The following USP37 variants were observed in gnomAD, a reference collection of about 807,000 sequenced individuals.
USP37 encodes ubiquitin carboxyl-terminal hydrolase 37.
A neutral mutation model predicts 124.0 loss-of-function variants in USP37; 27 were observed. The observed-to-expected ratio is 0.22, with a 90% CI of 0.16 to 0.30. USP37 has a LOEUF of 0.30. Ranked by LOEUF, USP37 falls within the 10% of genes least tolerant of loss-of-function variation. USP37 has a pLI of 1.00. For missense variants in USP37, 889 were observed against 1,140.4 expected, an observed-to-expected ratio of 0.78 and a Z score of 3.17; for synonymous variants, 365 against 388.0, an observed-to-expected ratio of 0.94 and a Z score of 0.70.
chr2:218,546,563 C>T (rs960894463), intron 7 of USP37, among the ~76,000 whole-genome samples: 1 of 152,112 alleles, frequency 6.6e-6, no homozygotes, highest in Non-Finnish European at 1.5e-5. Context: ...GGACTATAGG[C>T]GTGTGCCACC....
chr2:218,538,041 T>C lies in USP37; in HGVS notation c.681-3335A>G, dbSNP rs114605874. ...TCATCATAAAATGGAAGCAGGTATATTGGAATTGGGCCCAAGTAAGAAAGA... is the reference window on the plus strand; with the variant it reads ...TCATCATAAAATGGAAGCAGGTATACTGGAATTGGGCCCAAGTAAGAAAGA... On this transcript the variant is annotated intron_variant, in intron 8 of 25. Transcript: ENST00000258399. Among the ~76,000 whole-genome samples, 223 of 152,180 alleles carry C rather than the reference T, an allele frequency of 1.5e-3. 1 individual carries two copies. Among genetic ancestry groups the C allele is most frequent in the Non-Finnish European group, 2.2e-3 (150 of 68,008 alleles).
At chr2:218,459,684 G>A in intron 23 of USP37, 106 bp downstream of exon 23, 1 of 833,750 alleles carries the variant, frequency 1.2e-6, no homozygotes. Flanking sequence ...TACTGAAAGG[G>A]CCAAAATGAA....
At chr2:218,478,625 C>A (rs1003169342) in intron 18 of USP37, among the ~76,000 whole-genome samples, 3 of 152,176 alleles carry the variant, frequency 2.0e-5, no homozygotes, top group Admixed American at 6.6e-5. Flanking sequence ...CCAATGAAAT[C>A]ATTTCTTTCT....
intron 11 of USP37, among the ~76,000 whole-genome samples, chr2:218,506,286 CTTTTTT>C (rs60620765): frequency 1.7e-4 from 12 of 72,620 alleles, no homozygotes; most frequent in African/African-American, 5.7e-4. Flanking sequence ...TTCTTTCTGG[CTTTTTT>C]TTTTTTTTTT....
At chr2:218,491,900 T>C (rs919745084) in intron 14 of USP37, among the ~76,000 whole-genome samples, 1 of 151,946 alleles carries the variant, frequency 6.6e-6, no homozygotes, top group Non-Finnish European at 1.5e-5. Context: ...GAGGGCACTA[T>C]CTAAATGAGA....
At chr2:218,501,669 G>C (rs1689397951) in intron 11 of USP37, among the ~76,000 whole-genome samples, 1 of 152,198 alleles carries the variant, frequency 6.6e-6, no homozygotes, top group Non-Finnish European at 1.5e-5. Flanking sequence ...CCCAAACAGA[G>C]CCTAGAAATC....
intron 23 of USP37, 143 bp downstream of exon 23, chr2:218,459,647 C>T: frequency 1.7e-6 from 1 of 572,834 alleles, no homozygotes; most frequent in South Asian, 2.4e-5. Context: ...CAGCAAATGA[C>T]AAGAGAAAAT....
chr2:218,485,844 C>T lies in USP37; in HGVS notation c.1591-101G>A, dbSNP rs146529694. On this transcript the variant is annotated intron_variant, in intron 15 of 25. Coordinates refer to ENST00000258399, the MANE Select transcript of USP37 (RefSeq NM_020935.3). ...CTTATTAGTTCCATTAGTGGAATGA[C>T]AACTCTGAACCAGTTTTAAAAATTC... 7 of 1,275,396 alleles carry T rather than the reference C, an allele frequency of 5.5e-6. No individual in the cohort carries two copies. In the African/African-American group the frequency reaches 9.1e-5, roughly 17 times the overall value. 79.0% of individuals were successfully genotyped at this position (1,275,396 alleles called of 1,614,324 possible). A position where few individuals can be genotyped will look rare whatever the true frequency, so the allele number is the denominator to read the frequency against.
intron 24 of USP37, among the ~76,000 whole-genome samples, chr2:218,456,861 T>C (rs547363443): frequency 1.3e-5 from 2 of 151,850 alleles, no homozygotes; most frequent in Admixed American, 6.6e-5. Context: ...TCCCAGCTAC[T>C]TGGGAGGCTG....
chr2:218,544,244 G>C (rs947506213), intron 8 of USP37, among the ~76,000 whole-genome samples: 8 of 151,420 alleles, frequency 5.3e-5, no homozygotes, highest in Non-Finnish European at 1.2e-4. Context: ...GCTGGGCGTG[G>C]TGGCACACGC....
chr2:218,485,811 G>A, intron 15 of USP37, 68 bp from the exon 16 acceptor site: 1 of 1,530,026 alleles, frequency 6.5e-7, no homozygotes, highest in Non-Finnish European at 8.9e-7. Flanking sequence ...CAAATAATTT[G>A]CTCTAGTCTT....
In USP37 at chr2:218,529,941, A is replaced by AC; in HGVS notation, c.863+14_863+15insG. ...AACTCCTAAGTTTTTCACAAGTAAT[A>AC]TAACCAATGCATACCTGTCTAAGTT... On this transcript the variant is annotated intron_variant, in intron 10 of 25. Coordinates refer to ENST00000258399, the MANE Select transcript of USP37 (RefSeq NM_020935.3). 3 of 1,583,380 alleles carry AC rather than the reference A, an allele frequency of 1.9e-6. No homozygotes were observed. Among genetic ancestry groups the AC allele is most frequent in the Non-Finnish European group, 2.6e-6 (3 of 1,168,764 alleles).
Position 218,554,931 on chromosome 2 carries a change from C to CT in USP37, c.157-1208dup, listed in dbSNP as rs1382832972. Among the ~76,000 whole-genome samples, 5 of 151,584 alleles carry CT rather than the reference C, an allele frequency of 3.3e-5. No homozygotes were observed. The East Asian group carries it at 5.8e-4, about 18-fold the overall frequency. On this transcript the variant is annotated intron_variant, in intron 4 of 25. Transcript: ENST00000258399. ...AATAAACCTTTACCAATATAGCACA[C>CT]TTTTTTTTTCTTTTTTAACTAAGAA...
intron 10 of USP37, among the ~76,000 whole-genome samples, chr2:218,524,593 A>G (rs1428488979): frequency 6.6e-6 from 1 of 152,200 alleles, no homozygotes; most frequent in African/African-American, 2.4e-5. Flanking sequence ...CATACATAAA[A>G]TAACCCTGGA....
intron 20 of USP37, among the ~76,000 whole-genome samples, chr2:218,472,952 T>C (rs1221252718): frequency 3.9e-5 from 6 of 152,206 alleles, no homozygotes; most frequent in African/African-American, 1.4e-4. Context: ...CTACATTTGG[T>C]TGTCAGGTCT....
rs73074890 is a variant in USP37 at position 218,510,054 on chromosome 2, C to T, written c.950G>A (p.Arg317Lys). The T allele has an allele frequency of 5.2e-4, 842 of 1,612,816 alleles. 4 individuals are homozygous for T. The African/African-American group carries it at 7.9e-3, about 15-fold the overall frequency. ...QPVPLSVKKLRCNQDYTGWNK... is the reference protein window; with the variant it reads ...QPVPLSVKKLKCNQDYTGWNK... ...CCAGCCAGTGTAATCCTGGTTACAC[C>T]TCAGTTTTTTAACAGAAAGAGGAAC... The change falls in exon 11 of 26, where the codon AGG becomes AAG. Residue 317 changes from arginine (R) to lysine (K), a missense_variant. This residue lies in a region of USP37 where 374 missense variants were observed against 386.0 expected (regional missense o/e 0.97). Transcript: ENST00000258399.
intron 24 of USP37, among the ~76,000 whole-genome samples, chr2:218,456,436 G>A (rs1689704011): frequency 6.6e-6 from 1 of 150,798 alleles, no homozygotes; most frequent in East Asian, 1.9e-4. Context: ...CTCCAGCCTG[G>A]TGACAGAGTG....
chr2:218,534,800 G>T, intron 8 of USP37, 94 bp from the exon 9 acceptor site: 1 of 751,322 alleles, frequency 1.3e-6, no homozygotes, highest in Non-Finnish European at 1.9e-6. Context: ...TACATTTAAA[G>T]TGCCAAATTC....
intron 8 of USP37, among the ~76,000 whole-genome samples, chr2:218,544,403 AAAAATATATAT>A (rs1212293858): frequency 2.3e-4 from 10 of 43,738 alleles, no homozygotes; most frequent in Admixed American, 2.1e-3. Flanking sequence ...AAAAAAAAAA[AAAAATATATAT>A]ATATATATAT....
Sources: gnomAD v4.1 joint callset for allele counts (sites outside exome capture counted in the v4.1 genomes callset) on GRCh38, gnomAD v4.1.1 for gene constraint, gnomAD v4.1.1 regional missense constraint, MANE v1.5 for transcripts, NCBI Gene and HGNC (gene_info 2026-07-23, HGNC 2026-07-21) for gene names.